The following DACH2 variants were observed in gnomAD, a reference collection of about 807,000 sequenced individuals.
DACH2 encodes dachshund homolog 2.
Under a neutral mutation model 35.8 loss-of-function variants are expected in DACH2, and 17 were observed. The ratio of observed to expected loss-of-function variants is 0.48; its 90% CI spans 0.33 to 0.71. The LOEUF is 0.71. Among genes scored for constraint, DACH2 ranks in the 30% least tolerant of loss-of-function variants. The pLI is 0.02. For synonymous variants in DACH2, 195 were observed against 177.3 expected, an observed-to-expected ratio of 1.10 and a Z score of -0.79; for missense variants, 469 against 472.7, an observed-to-expected ratio of 0.99 and a Z score of 0.07.
chrX:86,520,667 T>G (rs935756492), intron 3 of DACH2, among the ~76,000 whole-genome samples: 1 of 111,651 alleles, frequency 9.0e-6, no homozygotes, highest in Non-Finnish European at 1.9e-5. Flanking sequence ...TGCCCCTTCT[T>G]AAAAATATTT....
chrX:86,246,078 A>G (rs769292276), intron 1 of DACH2, among the ~76,000 whole-genome samples: 20 of 111,606 alleles, frequency 1.8e-4, no homozygotes, highest in African/African-American at 4.9e-4. Flanking sequence ...TCAGGGCTTG[A>G]AGACTGGTTC....
intron 1 of DACH2, among the ~76,000 whole-genome samples, chrX:86,317,101 A>C (rs2034925951): frequency 1.1e-5 from 1 of 87,165 alleles, no homozygotes; most frequent in Non-Finnish European, 2.2e-5. Flanking sequence ...TGGGCAACAG[A>C]GTGAGACTCC....
chrX:86,816,496 G>A (rs760030868), intron 11 of DACH2, among the ~76,000 whole-genome samples: 81 of 111,737 alleles, frequency 7.2e-4, no homozygotes, highest in African/African-American at 2.5e-3. Context: ...GTTTGTAAAA[G>A]CCACAGGTAC....
At chrX:86,403,486 C>T (rs1359716834) in intron 2 of DACH2, among the ~76,000 whole-genome samples, 2 of 111,957 alleles carry the variant, frequency 1.8e-5, no homozygotes. Flanking sequence ...CATTTCACAT[C>T]AGTCAGAATG....
chrX:86,518,060 A>G (rs2038497623), intron 3 of DACH2, among the ~76,000 whole-genome samples: 1 of 111,727 alleles, frequency 9.0e-6, no homozygotes, highest in Non-Finnish European at 1.9e-5. Flanking sequence ...ATCCATCTTG[A>G]GTTGATTTCT....
chrX:86,580,858 C>G (rs1407018425), intron 3 of DACH2, among the ~76,000 whole-genome samples: 1 of 111,353 alleles, frequency 9.0e-6, no homozygotes, highest in Admixed American at 9.6e-5. Flanking sequence ...GCTACAAATC[C>G]CAACATTCAA....
rs772439339 is a variant in DACH2 at position 86,651,186 on chromosome X, C to T, written c.772+19C>T. On this transcript the variant is annotated intron_variant, in intron 4 of 11. Coordinates refer to ENST00000373125, the MANE Select transcript of DACH2 (RefSeq NM_053281.3). The stretch of plus-strand genomic sequence containing the variant: ...AACACAGGTGAGTGTCTTCCAGAAT[C>T]CCAGACCAATGACTCTTACTGTTCT... The T allele has an allele frequency of 3.6e-5, 43 of 1,197,617 alleles. No individual in the cohort carries two copies. In the East Asian group the frequency reaches 1.3e-3, roughly 35 times the overall value.
chrX:86,152,951 C>A (rs1434292105), intron 1 of DACH2, among the ~76,000 whole-genome samples: 1 of 111,464 alleles, frequency 9.0e-6, no homozygotes, highest in East Asian at 2.8e-4. Flanking sequence ...TTACTAAATT[C>A]TCCTAAGTTT....
chrX:86,821,167 C>G (rs925770289), intron 11 of DACH2, among the ~76,000 whole-genome samples: 1 of 110,932 alleles, frequency 9.0e-6, no homozygotes, highest in Non-Finnish European at 1.9e-5. Context: ...ACCCTAAACT[C>G]ACCAACCATT....
At chrX:86,669,086 A>G (rs185684836) in intron 4 of DACH2, among the ~76,000 whole-genome samples, 2 of 111,817 alleles carry the variant, frequency 1.8e-5, no homozygotes, top group African/African-American at 3.2e-5. Context: ...TACAGTCACA[A>G]ATCATTCTGG....
rs762954308 is a variant in DACH2, at chrX:86,411,125, G to A, written c.527+34263G>A. ...AGGCTGTCTTCAAGCTGCTGAGCAA[G>A]GAGAGCCAGTCCAAGTCCCAAAACT... On this transcript the variant is annotated intron_variant, in intron 2 of 11. Transcript: ENST00000373125. Among the ~76,000 whole-genome samples the A allele has an allele frequency of 4.9e-5, 5 of 101,445 alleles. 1 individual carries two copies. The East Asian group carries it at 1.6e-3, about 33-fold the overall frequency. The allele number at this position is 101,445 out of a possible 115,157, so 88.1% of individuals were successfully genotyped here.
intron 6 of DACH2, among the ~76,000 whole-genome samples, chrX:86,717,155 G>A (rs767339326): frequency 4.1e-4 from 46 of 111,517 alleles, no homozygotes; most frequent in Non-Finnish European, 4.7e-4. Flanking sequence ...GCATGGTGGT[G>A]GAAAAAGGGC....
intron 1 of DACH2, among the ~76,000 whole-genome samples, chrX:86,315,769 A>G (rs1304975420): frequency 9.6e-6 from 1 of 103,985 alleles, no homozygotes; most frequent in East Asian, 3.1e-4. Flanking sequence ...TCTCACGGCC[A>G]AGGAAATTGA....
At chrX:86,758,681 T>A (rs1287544115) in intron 7 of DACH2, among the ~76,000 whole-genome samples, 1 of 112,422 alleles carries the variant, frequency 8.9e-6, no homozygotes, top group African/African-American at 3.2e-5. Flanking sequence ...AATGTGCTGA[T>A]GAGAAGAATA....
rs773117792 is a variant in DACH2 at position 86,168,986 on chromosome X, C to T, written c.488+19878C>T. On this transcript the variant is annotated intron_variant, in intron 1 of 11. Coordinates refer to ENST00000373125, the MANE Select transcript of DACH2 (RefSeq NM_053281.3). Reference sequence around the variant, plus strand: ...TGTTTTTTTGTGTGCTTATTATTACCAGTGCATTTTGTACCTTCCAAACCC... The same window carrying T: ...TGTTTTTTTGTGTGCTTATTATTACTAGTGCATTTTGTACCTTCCAAACCC... Among the ~76,000 whole-genome samples, 7 of 111,133 alleles carry T rather than the reference C, an allele frequency of 6.3e-5. No individual in the cohort carries two copies. In the East Asian group the frequency reaches 2.0e-3, roughly 32 times the overall value.
intron 4 of DACH2, among the ~76,000 whole-genome samples, chrX:86,665,392 G>T (rs1484023303): frequency 9.0e-6 from 1 of 111,694 alleles, no homozygotes; most frequent in Non-Finnish European, 1.9e-5. Context: ...AGAATCAAGT[G>T]TGTCTCTTAA....
chrX:86,810,506 T>C (rs2042384553), intron 7 of DACH2, among the ~76,000 whole-genome samples: 1 of 112,023 alleles, frequency 8.9e-6, no homozygotes, highest in African/African-American at 3.2e-5. Flanking sequence ...TACTTTAAGA[T>C]TTATAAACAT....
chrX:86,360,209 C>A (rs1326063064), intron 1 of DACH2, among the ~76,000 whole-genome samples: 3 of 110,558 alleles, frequency 2.7e-5, no homozygotes, highest in Non-Finnish European at 5.7e-5. Flanking sequence ...ATGTTTTTTT[C>A]TTTTAAGCAC....
chrX:86,442,315 A>T (rs1419150597), intron 2 of DACH2, among the ~76,000 whole-genome samples: 1 of 101,704 alleles, frequency 9.8e-6, no homozygotes, highest in Non-Finnish European at 2.0e-5. Flanking sequence ...TCTTTTGAGA[A>T]ATGTCTATTC....
Sources: allele counts gnomAD v4.1 joint callset (sites outside exome capture counted in the v4.1 genomes callset), GRCh38; gene constraint gnomAD v4.1.1; transcripts MANE v1.5; gene names NCBI Gene and HGNC (gene_info 2026-07-23, HGNC 2026-07-21).